Variants in ODR4 observed in about 807,000 individuals in gnomAD.
The protein encoded by ODR4 is odr-4 GPCR localization factor homolog, also known as protein odr-4 homolog.
A neutral mutation model predicts 60.2 loss-of-function variants in ODR4; 47 were observed. The ratio of observed to expected loss-of-function variants is 0.78; its 90% CI spans 0.62 to 1.00. The LOEUF is 1.00. Ranked by LOEUF, ODR4 falls within the 50% of genes least tolerant of loss-of-function variation. The probability of loss-of-function intolerance (pLI) is 0.00; values close to 1 mark genes in which losing one functional copy is unlikely to be tolerated. For missense variants in ODR4, 488 were observed against 530.8 expected (o/e 0.92, Z 0.79); for synonymous variants, 178 against 175.5 (o/e 1.01, Z -0.11).
downstream of ODR4, among the ~76,000 whole-genome samples, chr1:186,424,509 T>C (rs916249627): frequency 6.6e-6 from 1 of 152,130 alleles, no homozygotes; most frequent in Non-Finnish European, 1.5e-5. Flanking sequence ...AAATTTTGGG[T>C]GGGGTTGTCT....
At chr1:186,413,991 G>A (rs767635628) in intron 12 of ODR4, among the ~76,000 whole-genome samples, 1 of 152,072 alleles carries the variant, frequency 6.6e-6, no homozygotes, top group Non-Finnish European at 1.5e-5. Flanking sequence ...AAATGACTTG[G>A]TTTTAAGGAA....
chr1:186,428,862 A>G, the ODR4 span, among the ~76,000 whole-genome samples: 1 of 152,196 alleles, frequency 6.6e-6, no homozygotes. Flanking sequence ...TTATCAATTA[A>G]GTTTGCCATC....
At chr1:186,399,100 A>G (rs1660815418) in intron 11 of ODR4, 56 bp downstream of exon 11, 5 of 1,045,072 alleles carry the variant, frequency 4.8e-6, no homozygotes, top group Non-Finnish European at 7.3e-6. Flanking sequence ...TAGTAATAAG[A>G]TATCAAGATA....
chr1:186,428,950 C>T, the ODR4 span, among the ~76,000 whole-genome samples: 1 of 152,152 alleles, frequency 6.6e-6, no homozygotes, highest in African/African-American at 2.4e-5. Context: ...ATCACTGTAA[C>T]AGATATAATA....
chr1:186,398,913 T>C, intron 10 of ODR4, 41 bp from the exon 11 acceptor site: 1 of 1,415,742 alleles, frequency 7.1e-7, no homozygotes, highest in Non-Finnish European at 9.7e-7. Context: ...ATCTAAAGTA[T>C]TTTATTTCTT....
intron 6 of ODR4, among the ~76,000 whole-genome samples, chr1:186,389,993 A>G (rs1571670706): frequency 6.6e-6 from 1 of 152,008 alleles, no homozygotes; most frequent in East Asian, 1.9e-4. Context: ...TTTGATAGAG[A>G]TAGGGTTTCA....
At chr1:186,423,399 A>G (rs994067534), downstream of ODR4, among the ~76,000 whole-genome samples, 1 of 151,352 alleles carries the variant, frequency 6.6e-6, no homozygotes, top group African/African-American at 2.4e-5. Flanking sequence ...TGTATACTTT[A>G]AAAATCAGGA....
chr1:186,388,684 G>T lies in ODR4; in HGVS notation c.437+136G>T. 3 of 546,280 alleles carry T rather than the reference G, an allele frequency of 5.5e-6. 1 individual carries two copies. The South Asian group carries it at 7.9e-5, about 14-fold the overall frequency. 33.8% of individuals were successfully genotyped at this position (546,280 alleles called of 1,614,324 possible). ...GTAAGATTTTTCTGTAAATAACATG[G>T]AATTAGAGCCACCAATAATAATAAT... On this transcript the variant is annotated intron_variant, in intron 5 of 13. Coordinates refer to ENST00000287859, the MANE Select transcript of ODR4 (RefSeq NM_017847.6).
intron 11 of ODR4, among the ~76,000 whole-genome samples, chr1:186,399,431 AC>A (rs1660836072): frequency 6.6e-6 from 1 of 151,712 alleles, no homozygotes; most frequent in Non-Finnish European, 1.5e-5. Context: ...CTAGTTTCAA[AC>A]TCCTGAACTC....
At chr1:186,430,980 G>A in the ODR4 span, among the ~76,000 whole-genome samples, 20 of 152,104 alleles carry the variant, frequency 1.3e-4, no homozygotes, top group Admixed American at 3.3e-4. Context: ...ATAATTAAGC[G>A]TGTAGAAACA....
At chr1:186,389,447 T>C (rs1660374816) in intron 5 of ODR4, 141 bp from the exon 6 acceptor site, 1 of 634,828 alleles carries the variant, frequency 1.6e-6, no homozygotes, top group Non-Finnish European at 2.7e-6. Flanking sequence ...CATGTACATA[T>C]ATGTACGCAT....
rs1258152877 is a variant in ODR4, at chr1:186,383,376, TTA to T, written c.234+221_234+222del. On this transcript the variant is annotated intron_variant, in intron 3 of 13. Coordinates refer to ENST00000287859, the MANE Select transcript of ODR4 (RefSeq NM_017847.6). Reference sequence around the variant, plus strand: ...GGGAATAATGACTAAATTAATTCACTTACAAGTATTTATTGAATGAATTATAT... The same window carrying T: ...GGGAATAATGACTAAATTAATTCACTCAAGTATTTATTGAATGAATTATAT... Among the ~76,000 whole-genome samples, 3 of 152,268 alleles carry T rather than the reference TTA, an allele frequency of 2.0e-5. No homozygotes were observed. In the East Asian group the frequency reaches 5.8e-4, roughly 29 times the overall value.
chr1:186,388,054 A>T (rs908994536), intron 4 of ODR4, among the ~76,000 whole-genome samples: 5 of 152,354 alleles, frequency 3.3e-5, no homozygotes, highest in African/African-American at 1.2e-4. Context: ...TATAAATTCT[A>T]GTTGCCCCAA....
At chr1:186,433,158 G>A in the ODR4 span, among the ~76,000 whole-genome samples, 2 of 152,044 alleles carry the variant, frequency 1.3e-5, no homozygotes, top group Non-Finnish European at 2.9e-5. Flanking sequence ...ATTAATTTAT[G>A]CATGTACTTA....
chr1:186,377,902 G>A (rs924493930), intron 1 of ODR4, among the ~76,000 whole-genome samples: 1 of 152,070 alleles, frequency 6.6e-6, no homozygotes, highest in Non-Finnish European at 1.5e-5. Context: ...AAAATTAGCC[G>A]AGTGTGGTGG....
the ODR4 span, among the ~76,000 whole-genome samples, chr1:186,426,846 C>G: frequency 6.6e-6 from 1 of 151,826 alleles, no homozygotes. Context: ...ATATCATAAT[C>G]AAGTCACAAT....
chr1:186,396,280 C>T (rs1010804686), intron 9 of ODR4, among the ~76,000 whole-genome samples: 15 of 152,124 alleles, frequency 9.9e-5, no homozygotes, highest in African/African-American at 3.6e-4. Context: ...TCTACATTTC[C>T]ACCTAAAAGG....
Position 186,388,514 on chromosome 1 carries a change from C to A in ODR4, c.403C>A (p.Arg135=). 1.3e-6 allele frequency: 2 copies of A among 1,563,238 alleles called. No individual in the cohort carries two copies. The highest frequency in any genetic ancestry group is 1.2e-5 in the South Asian group (1 of 83,490). The change falls in exon 5 of 14, where the codon CGA becomes AGA. Residue 135 remains arginine (R), a synonymous_variant. Transcript: ENST00000287859. ...TTTCACAGAGGAGGAAGTCTCAGAA[C>A]GAGTGACACTTCACATTTGTGCTTC... ...WNFTEEEVSE[R]VTLHICASTK... is the part of the protein sequence containing the mutation.
chr1:186,381,382 A>G (rs887452085), intron 2 of ODR4, among the ~76,000 whole-genome samples: 2 of 149,456 alleles, frequency 1.3e-5, no homozygotes, highest in Non-Finnish European at 3.0e-5. Flanking sequence ...GCTGGAGTGC[A>G]GTGGCGCAAT....
Sources: gnomAD v4.1 joint callset for allele counts (sites outside exome capture counted in the v4.1 genomes callset) on GRCh38, gnomAD v4.1.1 for gene constraint, MANE v1.5 for transcripts, NCBI Gene and HGNC (gene_info 2026-07-23, HGNC 2026-07-21) for gene names.